Variants in KIF26B observed in about 807,000 individuals in gnomAD.
KIF26B encodes kinesin-like protein KIF26B.
In KIF26B, 63 loss-of-function variants were observed where a neutral mutation model predicts 151.2. That is an observed-to-expected ratio of 0.42 (90% CI 0.34 to 0.51). The LOEUF (loss-of-function observed/expected upper bound fraction) is 0.51, where lower values mean the gene tolerates loss of function less well. KIF26B is among the 20% of genes least tolerant of loss of function. The probability of loss-of-function intolerance (pLI) is 0.07; values close to 1 mark genes in which losing one functional copy is unlikely to be tolerated. For synonymous variants in KIF26B, 1,357 were observed against 1,262.1 expected (o/e 1.08, Z -1.59); for missense variants, 2,813 against 2,913.6 (o/e 0.97, Z 0.79).
At chr1:245,205,266 A>G (rs1669379298) in intron 2 of KIF26B, among the ~76,000 whole-genome samples, 1 of 152,120 alleles carries the variant, frequency 6.6e-6, no homozygotes, top group African/African-American at 2.4e-5. Context: ...AGTGTAGTGT[A>G]TTGTTTTTGT....
intron 4 of KIF26B, among the ~76,000 whole-genome samples, chr1:245,539,536 T>G (rs1661556164): frequency 3.9e-5 from 6 of 152,230 alleles, no homozygotes; most frequent in Admixed American, 3.9e-4. Context: ...GAGTTTAGTG[T>G]GTAAACATCA....
intron 2 of KIF26B, among the ~76,000 whole-genome samples, chr1:245,183,050 A>G (rs1399709702): frequency 6.6e-6 from 1 of 152,334 alleles, no homozygotes; most frequent in African/African-American, 2.4e-5. Flanking sequence ...TTTGCATTTC[A>G]CTAATGACCG....
intron 2 of KIF26B, among the ~76,000 whole-genome samples, chr1:245,184,054 T>TG (rs1668958761): frequency 1.8e-5 from 2 of 113,198 alleles, no homozygotes; most frequent in Non-Finnish European, 3.7e-5. Flanking sequence ...GTTGTTGTTT[T>TG]TTTTTTTTTT....
rs750111522 is a variant in KIF26B, at chr1:245,687,163, T to C, written c.4180T>C (p.Tyr1394His). 1.2e-6 allele frequency: 2 copies of C among 1,613,052 alleles called. No homozygotes were observed. Among genetic ancestry groups the C allele is most frequent in the Non-Finnish European group, 1.7e-6 (2 of 1,179,724 alleles). ...YIPMKTNITVYPCIAMSPRNI... is the reference protein window; with the variant it reads ...YIPMKTNITVHPCIAMSPRNI... ...CCCCATGAAGACCAATATCACAGTTTACCCCTGCATTGCCATGAGCCCCCG... is the reference window on the plus strand; with the variant it reads ...CCCCATGAAGACCAATATCACAGTTCACCCCTGCATTGCCATGAGCCCCCG... The change falls in exon 12 of 15, where the codon TAC becomes CAC. Residue 1394 changes from tyrosine to histidine, a missense_variant. Around this residue, in one of 3 missense-constraint regions of KIF26B, gnomAD observed 2,060 missense variants for 2,088.6 expected, o/e 0.99. Transcript: ENST00000407071. The surrounding 1 kb of genome is among the most constrained non-coding windows in gnomAD (Gnocchi z 4.9).
At chr1:245,695,110 C>G (rs185638038) in intron 12 of KIF26B, among the ~76,000 whole-genome samples, 5 of 152,258 alleles carry the variant, frequency 3.3e-5, no homozygotes, top group Middle Eastern at 3.4e-3. Flanking sequence ...TGGCAGAGAC[C>G]GGGCTTGGCA....
At chr1:245,257,669 A>G (rs1305233812) in intron 2 of KIF26B, among the ~76,000 whole-genome samples, 1 of 152,172 alleles carries the variant, frequency 6.6e-6, no homozygotes, top group Non-Finnish European at 1.5e-5. Context: ...CCGTGTCTAG[A>G]AGCATCACAG....
At chr1:245,427,604 G>A (rs1440373014) in intron 4 of KIF26B, among the ~76,000 whole-genome samples, 2 of 152,142 alleles carry the variant, frequency 1.3e-5, no homozygotes, top group Admixed American at 1.3e-4. Flanking sequence ...GTGAGACTCT[G>A]TCTCAAAACA....
chr1:245,161,524 A>G (rs1474830052), intron 2 of KIF26B, among the ~76,000 whole-genome samples: 2 of 152,238 alleles, frequency 1.3e-5, no homozygotes, highest in Non-Finnish European at 2.9e-5. Flanking sequence ...ATTTGGCATT[A>G]TATCACAGAT....
At chr1:245,624,168 T>C (rs2043696645) in intron 9 of KIF26B, among the ~76,000 whole-genome samples, 1 of 152,090 alleles carries the variant, frequency 6.6e-6, no homozygotes, top group Non-Finnish European at 1.5e-5. Context: ...CAGTCTCAGG[T>C]AGTTATTTAT....
At chr1:245,538,393 G>A (rs1661531392) in intron 4 of KIF26B, among the ~76,000 whole-genome samples, 1 of 151,898 alleles carries the variant, frequency 6.6e-6, no homozygotes, top group African/African-American at 2.4e-5. Flanking sequence ...ATAACAACAT[G>A]TCTATGTGCT....
At chr1:245,275,468 C>T (rs1029483468) in intron 2 of KIF26B, among the ~76,000 whole-genome samples, 2 of 152,066 alleles carry the variant, frequency 1.3e-5, no homozygotes, top group African/African-American at 2.4e-5. Flanking sequence ...TTAGGTCTTA[C>T]GTTTAAGTCT....
At chr1:245,594,523 C>T (rs180786038) in intron 5 of KIF26B, among the ~76,000 whole-genome samples, 40 of 152,246 alleles carry the variant, frequency 2.6e-4, no homozygotes, top group Admixed American at 2.3e-3. Flanking sequence ...TTACATTTGT[C>T]TATATCTCTG....
At chr1:245,304,699 C>CTCCATCCATCCATCCATCCA (rs547585018) in intron 2 of KIF26B, among the ~76,000 whole-genome samples, 9 of 150,656 alleles carry the variant, frequency 6.0e-5, no homozygotes, top group Admixed American at 1.3e-4. Flanking sequence ...ACGTCCATCC[C>CTCCATCCATCCATCCATCCA]TCCATCCATC....
intron 12 of KIF26B, 107 bp downstream of exon 12, chr1:245,688,914 C>G: frequency 7.4e-7 from 1 of 1,356,404 alleles, no homozygotes; most frequent in Non-Finnish European, 9.7e-7. Context: ...GCGTCCAGGC[C>G]TGGCCTCTCC....
intron 9 of KIF26B, among the ~76,000 whole-genome samples, chr1:245,612,319 C>T (rs1273338134): frequency 6.6e-6 from 1 of 152,024 alleles, no homozygotes. Context: ...TGCTATGTTG[C>T]CCAGGCTGGT....
At chr1:245,627,220 T>C (rs979141274) in intron 9 of KIF26B, among the ~76,000 whole-genome samples, 2 of 152,194 alleles carry the variant, frequency 1.3e-5, no homozygotes, top group African/African-American at 4.8e-5. Flanking sequence ...GTGCAAGGTT[T>C]TTCTCTGTGT....
chr1:245,505,119 G>A (rs1348923979), intron 4 of KIF26B, among the ~76,000 whole-genome samples: 1 of 151,758 alleles, frequency 6.6e-6, no homozygotes, highest in African/African-American at 2.4e-5. Context: ...TTGTATTTTA[G>A]TAGAGACGGG....
chr1:245,401,417 G>A (rs747890636), intron 3 of KIF26B, among the ~76,000 whole-genome samples: 1 of 152,182 alleles, frequency 6.6e-6, no homozygotes, highest in Non-Finnish European at 1.5e-5. Context: ...GGTGTAACTT[G>A]CTGGATATTA....
chr1:245,600,271 C>A (rs1468758480), intron 5 of KIF26B, among the ~76,000 whole-genome samples: 1 of 132,904 alleles, frequency 7.5e-6, no homozygotes, highest in African/African-American at 2.7e-5. Context: ...ATCTCCTGAC[C>A]TTGTGATCCG....
Sources: gnomAD v4.1 joint callset for allele counts (sites outside exome capture counted in the v4.1 genomes callset) on GRCh38, gnomAD v4.1.1 for gene constraint, gnomAD v4.1.1 regional missense constraint, Gnocchi (gnomAD v3.1) non-coding constraint, MANE v1.5 for transcripts, NCBI Gene and HGNC (gene_info 2026-07-23, HGNC 2026-07-21) for gene names.